PDS5A: variants seen among roughly 807,000 people sequenced by gnomAD.
PDS5A encodes PDS5 cohesin associated factor A, also known as sister chromatid cohesion protein PDS5 homolog A.
Under a neutral mutation model 167.1 loss-of-function variants are expected in PDS5A, and 42 were observed. That is an observed-to-expected ratio of 0.25 (90% confidence interval 0.20 to 0.33). PDS5A has a LOEUF of 0.33. PDS5A is among the 10% of genes least tolerant of loss of function. The pLI is 1.00. For missense variants in PDS5A, 1,033 were observed against 1,605.9 expected (o/e 0.64, Z 6.10); for synonymous variants, 553 against 554.6 (o/e 1.00, Z 0.04).
At chr4:39,831,389 G>A (rs554238646) in intron 32 of PDS5A, among the ~76,000 whole-genome samples, 4 of 151,968 alleles carry the variant, frequency 2.6e-5, no homozygotes, top group African/African-American at 7.3e-5. Flanking sequence ...GTGAGCCACC[G>A]TGCCTGGCCA....
At position 39,869,429 on chromosome 4, in the gene PDS5A, G is replaced by T. The variant is rs763657206; in HGVS notation, c.2470C>A (p.Pro824Thr). The T allele has an allele frequency of 6.2e-7, 1 of 1,606,092 alleles. No homozygotes were observed. Among genetic ancestry groups the T allele is most frequent in the East Asian group, 2.2e-5 (1 of 44,834 alleles). ...TGEKNGKLWS[P>T]DEEVSPEVLA... Reference sequence around the variant, plus strand: ...ACTTCAGGGGAAACCTCTTCATCTGGAGACCACAGTTTTCCATTCTTTTCA... The same window carrying T: ...ACTTCAGGGGAAACCTCTTCATCTGTAGACCACAGTTTTCCATTCTTTTCA... Residue 824 changes from proline (P) to threonine (T), a missense_variant, in exon 22 of 33, where the codon CCA becomes ACA. This residue lies in a region of PDS5A where 367 missense variants were observed against 686.7 expected (regional missense o/e 0.53). Coordinates refer to ENST00000303538, the MANE Select transcript of PDS5A (RefSeq NM_001100399.2).
At chr4:39,871,132 G>A (rs1357391141) in intron 21 of PDS5A, among the ~76,000 whole-genome samples, 1 of 152,094 alleles carries the variant, frequency 6.6e-6, no homozygotes, top group Non-Finnish European at 1.5e-5. Context: ...TAGAACAGAG[G>A]GCAATGGAGA....
intron 2 of PDS5A, among the ~76,000 whole-genome samples, chr4:39,935,528 A>G (rs1049880093): frequency 6.6e-6 from 1 of 152,180 alleles, no homozygotes; most frequent in East Asian, 1.9e-4. Context: ...TCTAGAAAAG[A>G]CTATTCTTTC....
chr4:39,959,152 A>G (rs1729243212), intron 2 of PDS5A, among the ~76,000 whole-genome samples: 1 of 152,216 alleles, frequency 6.6e-6, no homozygotes. Flanking sequence ...ATCTCAAAAT[A>G]TGATAATCTC....
intron 7 of PDS5A, among the ~76,000 whole-genome samples, chr4:39,918,935 T>C (rs1560483164): frequency 1.3e-5 from 2 of 152,170 alleles, no homozygotes; most frequent in Non-Finnish European, 2.9e-5. Context: ...AAGATAGTTT[T>C]ATCAAAATAT....
At chr4:39,859,245 A>G (rs935517631) in intron 26 of PDS5A, among the ~76,000 whole-genome samples, 16 of 152,208 alleles carry the variant, frequency 1.1e-4, no homozygotes, top group African/African-American at 3.9e-4. Flanking sequence ...ACTAATTTCC[A>G]TAAAGTTATG....
At chr4:39,952,725 ATTTT>A (rs35943320) in intron 2 of PDS5A, among the ~76,000 whole-genome samples, 2 of 128,270 alleles carry the variant, frequency 1.6e-5, no homozygotes, top group African/African-American at 5.8e-5. Flanking sequence ...CAGATCTGGA[ATTTT>A]TTTTTTTTTT....
intron 16 of PDS5A, among the ~76,000 whole-genome samples, chr4:39,892,894 C>A (rs564060172): frequency 6.6e-6 from 1 of 152,136 alleles, no homozygotes; most frequent in Non-Finnish European, 1.5e-5. Flanking sequence ...TAAAAATGAC[C>A]ATTTATTGAA....
At chr4:39,898,165 T>A in intron 16 of PDS5A, 1 of 1,234,478 alleles carries the variant, frequency 8.1e-7, no homozygotes, top group African/African-American at 1.6e-5. Flanking sequence ...GTAAAATTCC[T>A]AAGACCAATC....
chr4:39,885,568 G>A (rs569054500), intron 17 of PDS5A, among the ~76,000 whole-genome samples: 1 of 152,038 alleles, frequency 6.6e-6, no homozygotes, highest in African/African-American at 2.4e-5. Flanking sequence ...CAGCCTGGGC[G>A]ACAGAGTGAG....
At position 39,902,376 on chromosome 4, in the gene PDS5A, T is replaced by C; in HGVS notation, c.1470A>G (p.Leu490=). 6.4e-7 allele frequency: 1 copy of C among 1,567,462 alleles called. No individual in the cohort carries two copies. Among genetic ancestry groups the C allele is most frequent in the Non-Finnish European group, 8.8e-7 (1 of 1,142,720 alleles). ...CAGCATTTGGATCCAAACTAGCATA[T>C]AAGTAATATAAGCATTTCATTCTCT... ...TEERMKCLYY[L]YASLDPNAVK... is the part of the protein sequence containing the mutation. The change falls in exon 13 of 33, where the codon TTA becomes TTG. Residue 490 remains leucine, a synonymous_variant. Transcript: ENST00000303538.
chr4:39,827,733 CA>C (rs1357340175), intron 32 of PDS5A, among the ~76,000 whole-genome samples: 1 of 152,088 alleles, frequency 6.6e-6, no homozygotes, highest in East Asian at 1.9e-4. Flanking sequence ...GCATGCTAAA[CA>C]AAACATGTTA....
intron 7 of PDS5A, among the ~76,000 whole-genome samples, chr4:39,918,789 G>A (rs1012204687): frequency 6.6e-6 from 1 of 152,042 alleles, no homozygotes; most frequent in African/African-American, 2.4e-5. Context: ...GGAGGCGGAG[G>A]TTGCAGTGAG....
chr4:39,919,054 G>A (rs999134832), intron 7 of PDS5A, among the ~76,000 whole-genome samples: 1 of 152,162 alleles, frequency 6.6e-6, no homozygotes, highest in African/African-American at 2.4e-5. Context: ...CAAGGCTGAA[G>A]ACAGACACTT....
intron 2 of PDS5A, chr4:39,973,724 A>C (rs1306335818): frequency 1.6e-6 from 2 of 1,282,644 alleles, no homozygotes; most frequent in Non-Finnish European, 2.3e-6. Context: ...ACTAACCAGC[A>C]TATGCAGAGA....
intron 2 of PDS5A, among the ~76,000 whole-genome samples, chr4:39,944,703 A>AAC (rs1553906410): frequency 6.6e-6 from 1 of 151,862 alleles, no homozygotes; most frequent in South Asian, 2.1e-4. Flanking sequence ...TCAAAAAAAA[A>AAC]AAAAAAAACA....
intron 19 of PDS5A, 69 bp downstream of exon 19, chr4:39,876,922 GAA>G: frequency 8.5e-7 from 1 of 1,175,172 alleles, no homozygotes; most frequent in Non-Finnish European, 1.2e-6. Context: ...TACACAGAAG[GAA>G]AACAATGATT....
At position 39,825,287 on chromosome 4, in the gene PDS5A, T is replaced by TTTCTGCTG. The variant is rs1424002383; in HGVS notation, c.*190_*197dup. ...TTGCTTTTAGCCTCTCTCTCAAGAG[T>TTTCTGCTG]TTCTGCTGTACATTTCCATCAGAGG... On this transcript the variant is annotated 3_prime_UTR_variant, in exon 33 of 33. Transcript: ENST00000303538. 5 of 440,944 alleles carry TTTCTGCTG rather than the reference T, an allele frequency of 1.1e-5. No individual in the cohort carries two copies. The highest frequency in any genetic ancestry group is 2.0e-5 in the Non-Finnish European group (5 of 248,050). The allele number at this position is 440,944 out of a possible 1,614,324, so 27.3% of individuals were successfully genotyped here. A position where few individuals can be genotyped will look rare whatever the true frequency, so the allele number is the denominator to read the frequency against.
chr4:39,938,175 C>T (rs1333343099), intron 2 of PDS5A, among the ~76,000 whole-genome samples: 1 of 152,218 alleles, frequency 6.6e-6, no homozygotes, highest in Non-Finnish European at 1.5e-5. Flanking sequence ...CACTTGGCAG[C>T]TCTGGAACTG....
Sources: gnomAD v4.1 joint callset for allele counts (sites outside exome capture counted in the v4.1 genomes callset) on GRCh38, gnomAD v4.1.1 for gene constraint, gnomAD v4.1.1 regional missense constraint, MANE v1.5 for transcripts, NCBI Gene and HGNC (gene_info 2026-07-23, HGNC 2026-07-21) for gene names.